ASIC2: variants seen among roughly 807,000 people sequenced by gnomAD.
ASIC2 encodes the protein acid sensing ion channel subunit 2.
In ASIC2, 25 loss-of-function variants were observed where a neutral mutation model predicts 57.3. That is an observed-to-expected ratio of 0.44 (90% CI 0.32 to 0.61). The LOEUF is 0.61. Among genes scored for constraint, ASIC2 ranks in the 20% least tolerant of loss-of-function variants. The probability of loss-of-function intolerance (pLI) is 0.06; values close to 1 mark genes in which losing one functional copy is unlikely to be tolerated. For missense variants in ASIC2, 641 were observed against 738.1 expected (o/e 0.87, Z 1.52); for synonymous variants, 319 against 307.5 (o/e 1.04, Z -0.39).
intron 1 of ASIC2, among the ~76,000 whole-genome samples, chr17:34,111,060 C>T (rs1297964340): frequency 1.3e-5 from 2 of 151,844 alleles, no homozygotes; most frequent in African/African-American, 2.4e-5. Flanking sequence ...TCTGTCTCTA[C>T]TAAAAATACA....
chr17:33,534,267 C>T (rs1442664879), intron 1 of ASIC2: 4 of 152,188 alleles, frequency 2.6e-5, no homozygotes, highest in Admixed American at 6.5e-5. Flanking sequence ...GTAATGCGCT[C>T]TTTGACACAA....
rs565829905 is a variant in ASIC2 at position 33,737,220 on chromosome 17, T to C, written c.555+418758A>G. Among the ~76,000 whole-genome samples the C allele has an allele frequency of 5.9e-5, 9 of 152,388 alleles. No homozygotes were observed. In the East Asian group the frequency reaches 1.3e-3, roughly 23 times the overall value. On this transcript the variant is annotated intron_variant, in intron 1 of 9. Transcript: ENST00000359872. ...ATGGGGTAGGTTACTATCAGTAGGA[T>C]TGCTGATCAAAAAATAGACTCATTT...
intron 1 of ASIC2, among the ~76,000 whole-genome samples, chr17:33,147,092 A>C (rs1312542745): frequency 6.6e-6 from 1 of 152,226 alleles, no homozygotes; most frequent in African/African-American, 2.4e-5. Context: ...AATAACTATC[A>C]AGTCTGGGTA....
chr17:33,025,423 T>G (rs1387390791), intron 5 of ASIC2, among the ~76,000 whole-genome samples: 1 of 152,152 alleles, frequency 6.6e-6, no homozygotes, highest in African/African-American at 2.4e-5. Context: ...AATGCAAACC[T>G]GACTTTACCT....
intron 1 of ASIC2, among the ~76,000 whole-genome samples, chr17:33,812,327 G>A (rs1481951894): frequency 2.6e-5 from 4 of 152,106 alleles, no homozygotes; most frequent in Non-Finnish European, 5.9e-5. Flanking sequence ...TGAAGGAAAA[G>A]GCTCTTAGCA....
At chr17:33,980,730 A>T (rs1471973449) in intron 1 of ASIC2, 1 of 152,206 alleles carries the variant, frequency 6.6e-6, no homozygotes, top group African/African-American at 2.4e-5. Flanking sequence ...GCTCCAGATC[A>T]TGCCTTCTTT....
chr17:33,789,365 A>T (rs573101594), intron 1 of ASIC2, among the ~76,000 whole-genome samples: 93 of 152,264 alleles, frequency 6.1e-4, no homozygotes, highest in African/African-American at 2.0e-3. Context: ...GCACTTTTAT[A>T]AACATTGTTT....
intron 1 of ASIC2, among the ~76,000 whole-genome samples, chr17:33,932,449 A>T (rs1915951034): frequency 1.3e-5 from 2 of 152,136 alleles, no homozygotes; most frequent in South Asian, 4.2e-4. Flanking sequence ...CATGCCTGTA[A>T]TCCCAGCACT....
chr17:33,636,603 G>A (rs1192540183), intron 1 of ASIC2, among the ~76,000 whole-genome samples: 1 of 152,124 alleles, frequency 6.6e-6, no homozygotes, highest in Non-Finnish European at 1.5e-5. Context: ...CATATTTATG[G>A]GGCACATGTC....
chr17:33,216,437 A>G (rs2142093379), intron 1 of ASIC2, among the ~76,000 whole-genome samples: 1 of 152,334 alleles, frequency 6.6e-6, no homozygotes, highest in East Asian at 1.9e-4. Context: ...GTCTGGAGTG[A>G]GCAGAGGCTT....
chr17:34,051,891 C>CGAGAGAGT (rs1178242519), intron 1 of ASIC2, among the ~76,000 whole-genome samples: 1 of 126,956 alleles, frequency 7.9e-6, no homozygotes, highest in Non-Finnish European at 1.6e-5. Context: ...AGCGAGAGAG[C>CGAGAGAGT]GAGAGAGTGA....
intron 1 of ASIC2, among the ~76,000 whole-genome samples, chr17:34,053,162 T>C (rs1227799740): frequency 2.6e-5 from 4 of 152,208 alleles, no homozygotes; most frequent in African/African-American, 9.6e-5. Flanking sequence ...TTCCTTCTTA[T>C]GCTTTATGCC....
intron 1 of ASIC2, among the ~76,000 whole-genome samples, chr17:33,436,457 AACTG>A (rs562135956): frequency 7.9e-5 from 12 of 152,294 alleles, no homozygotes; most frequent in Admixed American, 7.2e-4. Context: ...GCATTCTGGC[AACTG>A]ACTGAACCCA....
intron 1 of ASIC2, among the ~76,000 whole-genome samples, chr17:33,338,429 C>G (rs1907606048): frequency 1.3e-5 from 2 of 152,094 alleles, no homozygotes; most frequent in Non-Finnish European, 2.9e-5. Flanking sequence ...GTGGGAGAAT[C>G]AGGGGTGGCT....
At chr17:33,725,103 C>A (rs186456037) in intron 1 of ASIC2, among the ~76,000 whole-genome samples, 1 of 152,192 alleles carries the variant, frequency 6.6e-6, no homozygotes, top group Admixed American at 6.5e-5. Flanking sequence ...GTGGGGCATC[C>A]CCCTGTGGTG....
chr17:33,706,654 A>G, intron 1 of ASIC2, among the ~76,000 whole-genome samples: 1 of 152,064 alleles, frequency 6.6e-6, no homozygotes, highest in Non-Finnish European at 1.5e-5. Flanking sequence ...AATTGCCTCA[A>G]GTTTTTCTTT....
intron 1 of ASIC2, among the ~76,000 whole-genome samples, chr17:33,650,797 A>C (rs1906893685): frequency 6.6e-6 from 1 of 152,222 alleles, no homozygotes; most frequent in African/African-American, 2.4e-5. Flanking sequence ...AAAGCAGAAC[A>C]GATTAGTGGC....
At chr17:33,420,980 G>C (rs532236087) in intron 1 of ASIC2, among the ~76,000 whole-genome samples, 2 of 152,316 alleles carry the variant, frequency 1.3e-5, no homozygotes, top group South Asian at 4.1e-4. Flanking sequence ...TTATCTTCTA[G>C]TTCTTGGTTT....
chr17:33,695,732 G>A (rs567043748), intron 1 of ASIC2, among the ~76,000 whole-genome samples: 316 of 152,202 alleles, frequency 2.1e-3, no homozygotes, highest in African/African-American at 7.4e-3. Flanking sequence ...AAAGACATAT[G>A]TCCTCCATTC....
Sources: gnomAD v4.1 joint callset for allele counts (sites outside exome capture counted in the v4.1 genomes callset) on GRCh38, gnomAD v4.1.1 for gene constraint, MANE v1.5 for transcripts, NCBI Gene and HGNC (gene_info 2026-07-23, HGNC 2026-07-21) for gene names.